Variants in TBCE observed in about 807,000 individuals in gnomAD.
The protein encoded by TBCE is tubulin folding cofactor E, also known as tubulin-specific chaperone E.
TBCE carries 53 observed loss-of-function variants against 77.0 expected under a neutral mutation model. That is an observed-to-expected ratio of 0.69 (90% confidence interval 0.55 to 0.87). TBCE has a LOEUF of 0.87. TBCE is among the 40% of genes least tolerant of loss of function. TBCE has a pLI of 0.00. For missense variants in TBCE, 624 were observed against 622.4 expected (o/e 1.00, Z -0.03); for synonymous variants, 235 against 241.3 (o/e 0.97, Z 0.24).
intron 5 of TBCE, among the ~76,000 whole-genome samples, chr1:235,421,785 AGTCT>A (rs1298912095): frequency 2.0e-5 from 3 of 152,220 alleles, no homozygotes; most frequent in Admixed American, 2.0e-4. Context: ...CAATTCATTA[AGTCT>A]GTCTGATCTG....
At chr1:235,371,774 G>C (rs1221529273) in intron 1 of TBCE, among the ~76,000 whole-genome samples, 2 of 152,054 alleles carry the variant, frequency 1.3e-5, no homozygotes, top group Non-Finnish European at 2.9e-5. Context: ...CCGGATTCAA[G>C]TGATTCTCCT....
intron 11 of TBCE, among the ~76,000 whole-genome samples, chr1:235,436,936 T>G (rs1456610865): frequency 6.7e-6 from 1 of 149,246 alleles, no homozygotes; most frequent in East Asian, 2.0e-4. Flanking sequence ...CTGACCAACA[T>G]GGTGAAACCC....
intron 2 of TBCE, among the ~76,000 whole-genome samples, chr1:235,392,420 T>C (rs890683833): frequency 6.7e-5 from 10 of 149,334 alleles, no homozygotes; most frequent in Non-Finnish European, 9.0e-5. Flanking sequence ...TTTTTTTTTT[T>C]TTTTTTTTAG....
chr1:235,433,807 C>T, intron 7 of TBCE: 1 of 176,474 alleles, frequency 5.7e-6, no homozygotes. Context: ...TTAGCATATC[C>T]TTTACAAACC....
Position 235,403,397 on chromosome 1 carries a change from C to T in TBCE, c.185+1810C>T, listed in dbSNP as rs531244889. Among the ~76,000 whole-genome samples the T allele has an allele frequency of 9.2e-5, 14 of 152,106 alleles. No homozygotes were observed. The East Asian group carries it at 1.7e-3, about 19-fold the overall frequency. On this transcript the variant is annotated intron_variant, in intron 3 of 16. Transcript: ENST00000642610. ...AATTTTTTTGTATTTTTAGTAGAGACGGGGATTTCACCAGGTTGGCCAGAC... is the reference window on the plus strand; with the variant it reads ...AATTTTTTTGTATTTTTAGTAGAGATGGGGATTTCACCAGGTTGGCCAGAC...
At chr1:235,414,848 T>C (rs1473281885) in intron 4 of TBCE, 1 of 517,398 alleles carries the variant, frequency 1.9e-6, no homozygotes, top group African/African-American at 1.9e-5. Context: ...AAATATTTAT[T>C]GGCCCATTAT....
intron 5 of TBCE, among the ~76,000 whole-genome samples, chr1:235,421,366 G>T (rs181202376): frequency 1.3e-5 from 2 of 152,282 alleles, no homozygotes; most frequent in African/African-American, 4.8e-5. Flanking sequence ...GATGAGCCAT[G>T]ATCATGCCAC....
intron 1 of TBCE, among the ~76,000 whole-genome samples, chr1:235,373,915 C>T (rs183717896): frequency 6.8e-5 from 10 of 146,048 alleles, no homozygotes; most frequent in Admixed American, 6.8e-5. Context: ...TCCCAAAGTG[C>T]TGGGATTACA....
In TBCE at chr1:235,425,831, C is replaced by G. The variant is rs536499436; in HGVS notation, c.461-1309C>G. 4.6e-5 allele frequency among the ~76,000 whole-genome samples: 7 copies of G among 152,242 alleles called. No individual in the cohort carries two copies. In the South Asian group the frequency reaches 1.5e-3, roughly 32 times the overall value. On this transcript the variant is annotated intron_variant, in intron 5 of 16. Coordinates refer to ENST00000642610, the MANE Select transcript of TBCE (RefSeq NM_003193.5). Reference sequence around the variant, plus strand: ...GCTCCTCTCCCAGATGGCGTTCCCCCATTTCCCTCAGCTCTCTGCTCAGAT... The same window carrying G: ...GCTCCTCTCCCAGATGGCGTTCCCCGATTTCCCTCAGCTCTCTGCTCAGAT...
intron 7 of TBCE, chr1:235,433,043 G>T: frequency 6.4e-7 from 1 of 1,550,444 alleles, no homozygotes; most frequent in Non-Finnish European, 8.6e-7. Context: ...TGCTCCACCA[G>T]CAACTGCATC....
At chr1:235,412,002 G>T (rs1211266900) in intron 3 of TBCE, among the ~76,000 whole-genome samples, 1 of 148,564 alleles carries the variant, frequency 6.7e-6, no homozygotes, top group Non-Finnish European at 1.5e-5. Context: ...CAGTGGCAAG[G>T]CCTCAGCTGT....
chr1:235,449,975 T>C lies in TBCE; in HGVS notation c.*1213T>C. On this transcript the variant is annotated 3_prime_UTR_variant, in exon 17 of 17. Transcript: ENST00000642610. The stretch of plus-strand genomic sequence containing the variant: ...ATAAAATAACTTGGTATTTTTCTGA[T>C]AATCTTCCAATAGATAAATAAAAAC... The C allele has an allele frequency of 2.6e-6, 1 of 378,930 alleles. No individual in the cohort carries two copies. The highest frequency in any genetic ancestry group is 4.2e-5 in the Admixed American group (1 of 23,758). The allele number at this position is 378,930 out of a possible 1,614,324, so 23.5% of individuals were successfully genotyped here.
chr1:235,386,440 C>T (rs1447899865), intron 2 of TBCE, among the ~76,000 whole-genome samples: 1 of 151,874 alleles, frequency 6.6e-6, no homozygotes. Flanking sequence ...GTACACCAAT[C>T]AGACGTAGAT....
Position 235,448,727 on chromosome 1 carries a change from G to T in TBCE, c.1549G>T (p.Val517Leu). 1 of 1,614,058 alleles carries T rather than the reference G, an allele frequency of 6.2e-7. No individual in the cohort carries two copies. The highest frequency in any genetic ancestry group is 8.5e-7 in the Non-Finnish European group (1 of 1,179,954). ...NDLKSLQFYS[V>L]ENGDCLLVRW ...CCTAAAGTCATTACAGTTTTATTCT[G>T]TGGAAAATGGAGATTGTCTATTAGT... The change falls in exon 17 of 17, where the codon GTG becomes TTG. Residue 517 changes from valine to leucine, a missense_variant. Val to Leu is a conservative substitution (Grantham distance 32). Transcript: ENST00000642610.
At chr1:235,400,539 T>C (rs1679036996) in intron 2 of TBCE, among the ~76,000 whole-genome samples, 1 of 150,644 alleles carries the variant, frequency 6.6e-6, no homozygotes, top group Non-Finnish European at 1.5e-5. Context: ...TAGCTGGGGC[T>C]ATAGGCGCTC....
At position 235,441,839 on chromosome 1, in the gene TBCE, A is replaced by G; in HGVS notation, c.1296A>G (p.Glu432=). ...CLKYGAPEDW[E]LKTQQPLMLK... ...AATATGGTGCACCTGAAGATTGGGAACTCAAAACACAGCAACCACTTATGC... is the reference window on the plus strand; with the variant it reads ...AATATGGTGCACCTGAAGATTGGGAGCTCAAAACACAGCAACCACTTATGC... The change falls in exon 14 of 17, where the codon GAA becomes GAG. Residue 432 remains glutamate, a synonymous_variant. Coordinates refer to ENST00000642610, the MANE Select transcript of TBCE (RefSeq NM_003193.5). The G allele has an allele frequency of 1.2e-6, 2 of 1,613,976 alleles. No homozygotes were observed. Among genetic ancestry groups the G allele is most frequent in the Non-Finnish European group, 1.7e-6 (2 of 1,179,980 alleles).
chr1:235,445,862 G>T (rs1485189198), intron 15 of TBCE, among the ~76,000 whole-genome samples: 1 of 152,184 alleles, frequency 6.6e-6, no homozygotes, highest in Non-Finnish European at 1.5e-5. Flanking sequence ...GCCAGCGGAG[G>T]AATGGTGAAT....
Position 235,449,026 on chromosome 1 carries a change from A to G in TBCE, c.*264A>G, listed in dbSNP as rs534021496. On this transcript the variant is annotated 3_prime_UTR_variant, in exon 17 of 17. Transcript: ENST00000642610. ...ACAGCTCATCACTGCATTTCATGAT[A>G]AGATTTAAATATTAAATAGAAAGAA... 2.6e-6 allele frequency: 1 copy of G among 377,566 alleles called. No individual in the cohort carries two copies. The highest frequency in any genetic ancestry group is 2.1e-5 in the African/African-American group (1 of 48,174). 23.4% of individuals were successfully genotyped at this position (377,566 alleles called of 1,614,324 possible). A position where few individuals can be genotyped will look rare whatever the true frequency, so the allele number is the denominator to read the frequency against.
intron 3 of TBCE, 124 bp from the exon 4 acceptor site, chr1:235,414,309 T>C: frequency 4.8e-6 from 4 of 842,008 alleles, no homozygotes; most frequent in Middle Eastern, 3.0e-4. Flanking sequence ...GTATGTGATA[T>C]TCTCTTTTAT....
Sources: allele counts gnomAD v4.1 joint callset (sites outside exome capture counted in the v4.1 genomes callset), GRCh38; gene constraint gnomAD v4.1.1; transcripts MANE v1.5; gene names NCBI Gene and HGNC (gene_info 2026-07-23, HGNC 2026-07-21).